Variants in MRTFB observed in about 807,000 individuals in gnomAD.
The protein encoded by MRTFB is myocardin related transcription factor B, also known as myocardin-related transcription factor B.
A neutral mutation model predicts 104.2 loss-of-function variants in MRTFB; 29 were observed. That is an observed-to-expected ratio of 0.28 (90% CI 0.21 to 0.38). The LOEUF is 0.38. Among genes scored for constraint, MRTFB ranks in the 10% least tolerant of loss-of-function variants. MRTFB has a pLI of 1.00. For missense variants in MRTFB, 1,270 were observed against 1,341.6 expected (o/e 0.95, Z 0.83); for synonymous variants, 535 against 519.5 (o/e 1.03, Z -0.41).
At chr16:14,111,539 C>T (rs2036267831) in intron 2 of MRTFB, among the ~76,000 whole-genome samples, 2 of 152,206 alleles carry the variant, frequency 1.3e-5, no homozygotes, top group Admixed American at 6.5e-5. Flanking sequence ...TTGGTGGACT[C>T]ATTTCAGTTT....
At chr16:13,996,957 T>C in the MRTFB span, among the ~76,000 whole-genome samples, 1 of 152,218 alleles carries the variant, frequency 6.6e-6, no homozygotes, top group African/African-American at 2.4e-5. Flanking sequence ...AAATGAGGGT[T>C]CCACCTGCGT....
intron 2 of MRTFB, among the ~76,000 whole-genome samples, chr16:14,090,558 A>G (rs552522428): frequency 2.6e-5 from 4 of 152,284 alleles, no homozygotes; most frequent in African/African-American, 7.2e-5. Context: ...AAGCTTCCAC[A>G]GAGGACTGTG....
upstream of MRTFB, among the ~76,000 whole-genome samples, chr16:14,067,181 C>T (rs534677699): frequency 1.3e-5 from 2 of 150,734 alleles, no homozygotes; most frequent in African/African-American, 4.9e-5. Flanking sequence ...TCCTATAAAA[C>T]GTTCCCTCAA....
chr16:14,178,592 C>T (rs555700721), intron 3 of MRTFB, among the ~76,000 whole-genome samples: 2 of 152,190 alleles, frequency 1.3e-5, no homozygotes, highest in East Asian at 1.9e-4. Flanking sequence ...TTTAAGAGAG[C>T]GTTGTGTAAG....
chr16:14,131,786 AAAAG>A (rs1295062362), intron 2 of MRTFB, among the ~76,000 whole-genome samples: 3 of 152,038 alleles, frequency 2.0e-5, no homozygotes, highest in East Asian at 1.9e-4. Context: ...TTTAAAAAAA[AAAAG>A]AGAGAATGTG....
At chr16:14,106,715 T>A (rs2035997943) in intron 2 of MRTFB, among the ~76,000 whole-genome samples, 1 of 152,208 alleles carries the variant, frequency 6.6e-6, no homozygotes, top group African/African-American at 2.4e-5. Context: ...TATCATGTTT[T>A]TAAAACATTT....
intron 8 of MRTFB, among the ~76,000 whole-genome samples, chr16:14,230,309 G>A (rs558705129): frequency 1.4e-3 from 217 of 152,242 alleles, no homozygotes; most frequent in Non-Finnish European, 2.7e-3. Flanking sequence ...AAGAGCTTCT[G>A]CACAGCAAAA....
rs1343824160 is a variant in MRTFB, at chr16:14,173,255, C to T, written c.154+32495C>T. 3.3e-5 allele frequency among the ~76,000 whole-genome samples: 5 copies of T among 152,070 alleles called. No individual in the cohort carries two copies. In the East Asian group the frequency reaches 7.7e-4, roughly 23 times the overall value. ...AACTTGCCTTAGCTCCATTAAAACG[C>T]TTGTTGGTGTTTTTACTGGGATTGC... On this transcript the variant is annotated intron_variant, in intron 3 of 16. Transcript: ENST00000571589.
At chr16:14,089,178 G>A (rs1238936377) in intron 2 of MRTFB, among the ~76,000 whole-genome samples, 1 of 152,148 alleles carries the variant, frequency 6.6e-6, no homozygotes, top group African/African-American at 2.4e-5. Context: ...ATACCATAAA[G>A]TTTACCCTTT....
chr16:14,023,580 TACACACACACAC>T, the MRTFB span, among the ~76,000 whole-genome samples: 2 of 93,964 alleles, frequency 2.1e-5, no homozygotes, highest in African/African-American at 8.8e-5. Context: ...CAAGGGCAGA[TACACACACACAC>T]ACACACACAC....
At chr16:14,077,725 A>G (rs1672570369) in intron 1 of MRTFB, among the ~76,000 whole-genome samples, 1 of 152,128 alleles carries the variant, frequency 6.6e-6, no homozygotes, top group African/African-American at 2.4e-5. Context: ...AAAAGAGAAA[A>G]CGTGTGAAAC....
At position 14,249,095 on chromosome 16, in the gene MRTFB, A is replaced by C. The variant is rs374503021; in HGVS notation, c.2403+14A>C. ...CAAGTCAGAAAGGTTTGTAAATGCC[A>C]AGGAGCAATAGAATGTCGCTGATTT... On this transcript the variant is annotated intron_variant, in intron 13 of 16. Coordinates refer to ENST00000571589, the MANE Select transcript of MRTFB (RefSeq NM_001308142.2). The C allele has an allele frequency of 1.2e-6, 2 of 1,612,306 alleles. No homozygotes were observed. The highest frequency in any genetic ancestry group is 2.7e-5 in the African/African-American group (2 of 74,794).
intron 3 of MRTFB, among the ~76,000 whole-genome samples, chr16:14,209,432 A>G (rs1019022365): frequency 6.6e-6 from 1 of 152,230 alleles, no homozygotes; most frequent in Admixed American, 6.5e-5. Flanking sequence ...CAAAGCAAGA[A>G]AAATATTTTT....
chr16:13,998,723 G>C, the MRTFB span, among the ~76,000 whole-genome samples: 1 of 151,270 alleles, frequency 6.6e-6, no homozygotes, highest in East Asian at 1.9e-4. Context: ...GAAGACAGGA[G>C]AAGAAGGAGG....
At chr16:14,159,698 G>A (rs987541279) in intron 3 of MRTFB, among the ~76,000 whole-genome samples, 1 of 151,906 alleles carries the variant, frequency 6.6e-6, no homozygotes, top group Non-Finnish European at 1.5e-5. Flanking sequence ...GGGAGGCCGA[G>A]GCGGGCGGAT....
chr16:14,042,618 G>A, the MRTFB span, among the ~76,000 whole-genome samples: 2 of 152,176 alleles, frequency 1.3e-5, no homozygotes, highest in Non-Finnish European at 2.9e-5. Context: ...GACTTGTGTG[G>A]TTGTGTGGTT....
the MRTFB span, among the ~76,000 whole-genome samples, chr16:14,021,748 G>A: frequency 1.2e-4 from 18 of 152,250 alleles, no homozygotes; most frequent in African/African-American, 2.6e-4. Context: ...TGCAAATGCC[G>A]TTAATTCATT....
intron 3 of MRTFB, among the ~76,000 whole-genome samples, chr16:14,179,543 T>G (rs1376872049): frequency 2.0e-5 from 3 of 152,172 alleles, no homozygotes; most frequent in African/African-American, 7.2e-5. Flanking sequence ...CTCGGGAAAT[T>G]TATGTCCTAG....
Position 14,246,803 on chromosome 16 carries a change from C to G in MRTFB, c.1543C>G (p.Leu515Val). The G allele has an allele frequency of 6.2e-7, 1 of 1,613,604 alleles. No individual in the cohort carries two copies. Among genetic ancestry groups the G allele is most frequent in the Non-Finnish European group, 8.5e-7 (1 of 1,180,042 alleles). Residue 515 changes from leucine (L) to valine (V), a missense_variant, in exon 12 of 17, where the codon CTC becomes GTC. Physicochemically the swap from Leu to Val is conservative, Grantham distance 32. Coordinates refer to ENST00000571589, the MANE Select transcript of MRTFB (RefSeq NM_001308142.2). ...ACCATCTCCCTCCGAACAGTCCAGTCTCAGTACTGATGACACAAACATGGC... is the reference window on the plus strand; with the variant it reads ...ACCATCTCCCTCCGAACAGTCCAGTGTCAGTACTGATGACACAAACATGGC... ...ISPSPSEQSS[L>V]STDDTNMADT...
Sources: gnomAD v4.1 joint callset for allele counts (sites outside exome capture counted in the v4.1 genomes callset) on GRCh38, gnomAD v4.1.1 for gene constraint, MANE v1.5 for transcripts, NCBI Gene and HGNC (gene_info 2026-07-23, HGNC 2026-07-21) for gene names.